TLE4: variants seen among roughly 807,000 people sequenced by gnomAD.
TLE4 encodes the protein TLE family member 4, transcriptional corepressor, also known as transducin-like enhancer protein 4.
In TLE4, 8 loss-of-function variants were observed where a neutral mutation model predicts 92.8. The ratio of observed to expected loss-of-function variants is 0.09; its 90% CI spans 0.05 to 0.16. TLE4 has a LOEUF of 0.16. Ranked by LOEUF, TLE4 falls within the 10% of genes least tolerant of loss-of-function variation. The pLI, the probability that TLE4 is intolerant of heterozygous loss-of-function variation, is 1.00. For synonymous variants in TLE4, 371 were observed against 374.1 expected (o/e 0.99, Z 0.10); for missense variants, 675 against 997.6 (o/e 0.68, Z 4.36).
At chr9:79,618,005 G>GA (rs1282785809) in intron 5 of TLE4, among the ~76,000 whole-genome samples, 4 of 152,322 alleles carry the variant, frequency 2.6e-5, no homozygotes, top group African/African-American at 9.6e-5. Context: ...GCAGGAAAGA[G>GA]AAAGGAATGG....
At chr9:79,626,811 A>T (rs2052734120) in intron 5 of TLE4, among the ~76,000 whole-genome samples, 1 of 152,080 alleles carries the variant, frequency 6.6e-6, no homozygotes, top group South Asian at 2.1e-4. Flanking sequence ...CTTGAGTTCT[A>T]TGTTTTTGAT....
chr9:79,613,620 G>A (rs2048853512), intron 5 of TLE4, among the ~76,000 whole-genome samples: 1 of 152,130 alleles, frequency 6.6e-6, no homozygotes, highest in Non-Finnish European at 1.5e-5. Context: ...TGTGCTGTGG[G>A]CTGAGAAGGC....
rs543498808 is a variant in TLE4, at chr9:79,623,648, A to G, written c.316-3726A>G. ...TCCCTAGTTTTAAGTGTATGGTTCAATACTTTTCAGTAACTTTACAGAGTC... is the reference window on the plus strand; with the variant it reads ...TCCCTAGTTTTAAGTGTATGGTTCAGTACTTTTCAGTAACTTTACAGAGTC... On this transcript the variant is annotated intron_variant, in intron 5 of 19. Transcript: ENST00000376552. Among the ~76,000 whole-genome samples the G allele has an allele frequency of 4.0e-5, 6 of 151,322 alleles. No individual in the cohort carries two copies. The East Asian group carries it at 5.8e-4, about 15-fold the overall frequency.
At chr9:79,657,493 T>C (rs1344278383) in intron 8 of TLE4, among the ~76,000 whole-genome samples, 1 of 152,196 alleles carries the variant, frequency 6.6e-6, no homozygotes, top group East Asian at 1.9e-4. Flanking sequence ...TGATGGGCTC[T>C]AAAATGGTGT....
intron 4 of TLE4, among the ~76,000 whole-genome samples, chr9:79,598,481 T>C (rs1023964433): frequency 3.3e-5 from 5 of 152,142 alleles, no homozygotes; most frequent in Non-Finnish European, 5.9e-5. Context: ...TGCCCCTTTC[T>C]CCTTTGTGTG....
intron 4 of TLE4, among the ~76,000 whole-genome samples, chr9:79,582,884 A>T (rs7033012): frequency 0.026 from 4,016 of 152,236 alleles, 179 homozygotes; most frequent in African/African-American, 0.09. Context: ...GGAGAGAAGC[A>T]GGGGGGCAGC....
At chr9:79,635,976 CA>C (rs1336920265) in intron 6 of TLE4, among the ~76,000 whole-genome samples, 1 of 152,084 alleles carries the variant, frequency 6.6e-6, no homozygotes, top group African/African-American at 2.4e-5. Flanking sequence ...ACATTTCTCT[CA>C]AGGTTGAGCG....
intron 4 of TLE4, among the ~76,000 whole-genome samples, chr9:79,582,136 C>T (rs1477144767): frequency 6.6e-6 from 1 of 151,988 alleles, no homozygotes; most frequent in South Asian, 2.1e-4. Flanking sequence ...AAGGGGGAAG[C>T]TGGGAGGGGA....
chr9:79,713,981 G>A (rs1055777599), intron 14 of TLE4, among the ~76,000 whole-genome samples: 5 of 151,640 alleles, frequency 3.3e-5, no homozygotes, highest in East Asian at 1.9e-4. Context: ...CACATGCCTC[G>A]GCCTCCCAAG....
At chr9:79,656,526 A>C (rs1473780636) in intron 8 of TLE4, among the ~76,000 whole-genome samples, 1 of 152,204 alleles carries the variant, frequency 6.6e-6, no homozygotes, top group Non-Finnish European at 1.5e-5. Flanking sequence ...TTTCAATACA[A>C]ATTTAAATTA....
chr9:79,692,774 T>C (rs941306983), intron 8 of TLE4, among the ~76,000 whole-genome samples: 2 of 152,134 alleles, frequency 1.3e-5, no homozygotes, highest in African/African-American at 4.8e-5. Flanking sequence ...ATAAGGGTGC[T>C]AATCTTATTT....
intron 6 of TLE4, among the ~76,000 whole-genome samples, chr9:79,629,198 GATT>G (rs1482166305): frequency 6.6e-6 from 1 of 152,016 alleles, no homozygotes; most frequent in East Asian, 1.9e-4. Context: ...AAACAGAATG[GATT>G]ATTATTATTT....
intron 4 of TLE4, among the ~76,000 whole-genome samples, chr9:79,604,301 GCT>G (rs1436291256): frequency 6.6e-6 from 1 of 152,124 alleles, no homozygotes; most frequent in African/African-American, 2.4e-5. Flanking sequence ...TATGCCCTCT[GCT>G]CTAGCCAGGC....
intron 11 of TLE4, among the ~76,000 whole-genome samples, 178 bp from the exon 12 acceptor site, chr9:79,707,940 C>T (rs2072144264): frequency 6.6e-6 from 1 of 152,228 alleles, no homozygotes; most frequent in Non-Finnish European, 1.5e-5. Context: ...ATTAGGTCTG[C>T]TGTCTCAAGG....
chr9:79,615,684 C>G (rs535671196), intron 5 of TLE4, among the ~76,000 whole-genome samples: 4 of 152,164 alleles, frequency 2.6e-5, no homozygotes, highest in African/African-American at 9.6e-5. Flanking sequence ...TTAAATTTAG[C>G]TTTAACTTCA....
intron 4 of TLE4, among the ~76,000 whole-genome samples, chr9:79,606,597 G>T (rs532587764): frequency 6.6e-6 from 1 of 151,722 alleles, no homozygotes; most frequent in East Asian, 1.9e-4. Context: ...TCATTGTTCA[G>T]TTCCCACCTA....
At chr9:79,708,823 AC>A in intron 13 of TLE4, 37 bp downstream of exon 13, 1 of 1,571,294 alleles carries the variant, frequency 6.4e-7, no homozygotes, top group Non-Finnish European at 8.6e-7. Flanking sequence ...ATTTTAGCAC[AC>A]GGAGGATTGT....
chr9:79,655,007 T>G (rs2059574258), intron 8 of TLE4, among the ~76,000 whole-genome samples: 1 of 152,166 alleles, frequency 6.6e-6, no homozygotes, highest in Non-Finnish European at 1.5e-5. Flanking sequence ...CTGGGCATAG[T>G]GGCTTGCGCC....
intron 8 of TLE4, among the ~76,000 whole-genome samples, chr9:79,677,782 T>C (rs2063549059): frequency 6.6e-6 from 1 of 152,084 alleles, no homozygotes; most frequent in African/African-American, 2.4e-5. Context: ...AGGCTTGTCA[T>C]TGTTTTCACA....
Sources: allele counts gnomAD v4.1 joint callset (sites outside exome capture counted in the v4.1 genomes callset), GRCh38; gene constraint gnomAD v4.1.1; transcripts MANE v1.5; gene names NCBI Gene and HGNC (gene_info 2026-07-23, HGNC 2026-07-21).